Variants in PCDHA2 observed in about 807,000 individuals in gnomAD.
PCDHA2 encodes the protein protocadherin alpha-2.
In PCDHA2, 58 loss-of-function variants were observed where a neutral mutation model predicts 66.0. The ratio of observed to expected loss-of-function variants is 0.88; its 90% CI spans 0.71 to 1.09. The LOEUF (loss-of-function observed/expected upper bound fraction) is 1.09, where lower values mean the gene tolerates loss of function less well. Among genes scored for constraint, PCDHA2 ranks in the 50% least tolerant of loss-of-function variants. The pLI is 0.00. For synonymous variants in PCDHA2, 634 were observed against 554.0 expected (o/e 1.14, Z -2.03); for missense variants, 1,267 against 1,242.3 (o/e 1.02, Z -0.30).
In PCDHA2 at chr5:140,914,736, T is replaced by C. The variant is rs76155363; in HGVS notation, c.2389-64213T>C. Among the ~76,000 whole-genome samples, 1,216 of 152,300 alleles carry C rather than the reference T, an allele frequency of 8.0e-3. 6 individuals are homozygous for C. Among genetic ancestry groups the C allele is most frequent in the African/African-American group, 0.019 (785 of 41,570 alleles). On this transcript the variant is annotated intron_variant, in intron 1 of 3. Transcript: ENST00000526136. ...TTTTTTATTTTTTGTGTATCCATTG[T>C]ATGTTTTTCCATTTGAGGTTACATG...
intron 1 of PCDHA2, chr5:140,824,063 C>T (rs2150131874): frequency 1.2e-6 from 2 of 1,614,096 alleles, no homozygotes; most frequent in Non-Finnish European, 8.5e-7. Flanking sequence ...GGGGAAGCTC[C>T]ACCCAAAACA....
At chr5:140,809,269 G>A in intron 1 of PCDHA2, 2 of 1,614,106 alleles carry the variant, frequency 1.2e-6, no homozygotes, top group African/African-American at 1.3e-5. Flanking sequence ...CTGCGCTGGT[G>A]GATGTCAACG....
chr5:140,873,878 C>T (rs926010571), intron 1 of PCDHA2, among the ~76,000 whole-genome samples: 2 of 152,196 alleles, frequency 1.3e-5, no homozygotes, highest in African/African-American at 4.8e-5. Context: ...CCAGGCTGGT[C>T]TTGAACTCCT....
chr5:140,835,843 A>T, intron 1 of PCDHA2: 1 of 1,612,338 alleles, frequency 6.2e-7, no homozygotes, highest in Non-Finnish European at 8.5e-7. Context: ...GCGCAGAAGA[A>T]CGCGCTGGTG....
At chr5:140,933,073 T>C (rs1198976304) in intron 1 of PCDHA2, among the ~76,000 whole-genome samples, 1 of 152,026 alleles carries the variant, frequency 6.6e-6, no homozygotes, top group Non-Finnish European at 1.5e-5. Context: ...TAAAGTATTA[T>C]GGGAAGTAAG....
chr5:141,003,017 G>T (rs1398844749), intron 3 of PCDHA2, among the ~76,000 whole-genome samples: 1 of 152,240 alleles, frequency 6.6e-6, no homozygotes, highest in Non-Finnish European at 1.5e-5. Flanking sequence ...GGGAAAGTCA[G>T]TGTAAATCAG....
In PCDHA2 at chr5:140,851,944, C is replaced by G; in HGVS notation, c.2388+54592C>G. The G allele has an allele frequency of 1.7e-5, 16 of 969,410 alleles. 1 individual carries two copies. Among genetic ancestry groups the G allele is most frequent in the Non-Finnish European group, 2.0e-5 (16 of 802,504 alleles). The allele number at this position is 969,410 out of a possible 1,614,324, so 60.1% of individuals were successfully genotyped here. A position where few individuals can be genotyped will look rare whatever the true frequency, so the allele number is the denominator to read the frequency against. On this transcript the variant is annotated intron_variant, in intron 1 of 3. Transcript: ENST00000526136. ...ATGTTTCCTGAATTGTAGTATGTGA[C>G]TTTCAAAATGGTGGTTTTCCACACT...
At chr5:140,854,461 G>A (rs1581342351) in intron 1 of PCDHA2, 1 of 149,954 alleles carries the variant, frequency 6.7e-6, no homozygotes, top group East Asian at 1.9e-4. Context: ...AGGCATTCCA[G>A]AGGAGTAGAG....
At chr5:140,936,875 C>A (rs1052156307) in intron 1 of PCDHA2, among the ~76,000 whole-genome samples, 1 of 151,950 alleles carries the variant, frequency 6.6e-6, no homozygotes, top group South Asian at 2.1e-4. Context: ...TTTAAAAAAC[C>A]CTGCTTTGAT....
chr5:140,796,182 G>T lies in PCDHA2; in HGVS notation c.1218G>T (p.Ser406=). The T allele has an allele frequency of 1.2e-6, 2 of 1,614,164 alleles. No homozygotes were observed. Among genetic ancestry groups the T allele is most frequent in the East Asian group, 2.2e-5 (1 of 44,890 alleles). The part of the protein sequence containing the change: ...KLVSTFKNYY[S]LVLDSALDRE... ...TGTCCACCTTCAAGAATTACTACTC[G>T]TTGGTGCTGGACAGCGCCCTGGACC... The change falls in exon 1 of 4, where the codon TCG becomes TCT. Residue 406 remains serine, a synonymous_variant. Transcript: ENST00000526136.
intron 1 of PCDHA2, chr5:140,854,178 A>AAAAATT: frequency 1.9e-6 from 1 of 531,180 alleles, no homozygotes; most frequent in Non-Finnish European, 2.4e-6. Flanking sequence ...AAAAAAAAAG[A>AAAAATT]GTAGTTTAAC....
chr5:141,000,391 C>CTATA (rs2097912428), intron 3 of PCDHA2, among the ~76,000 whole-genome samples: 2 of 56,664 alleles, frequency 3.5e-5, no homozygotes, highest in Non-Finnish European at 6.1e-5. Context: ...CTCTCTCTCT[C>CTATA]TCTCTATATA....
intron 1 of PCDHA2, among the ~76,000 whole-genome samples, chr5:140,904,259 C>T (rs2070990539): frequency 6.6e-6 from 1 of 152,066 alleles, no homozygotes. Context: ...GCTTAGCTCC[C>T]ACTTATGAAT....
Position 140,928,606 on chromosome 5 carries a change from C to T in PCDHA2, c.2389-50343C>T, listed in dbSNP as rs782809256. ...TTCTGTCCCAGTGGAAATTGTGCCC[C>T]GCTCTGCCAGGACTGGACACTTGGT... On this transcript the variant is annotated intron_variant, in intron 1 of 3. Coordinates refer to ENST00000526136, the MANE Select transcript of PCDHA2 (RefSeq NM_018905.3). 7.4e-6 allele frequency: 12 copies of T among 1,614,204 alleles called. No homozygotes were observed. In the South Asian group the frequency reaches 1.2e-4, roughly 16 times the overall value.
Position 140,988,326 on chromosome 5 carries a change from G to A in PCDHA2, c.2536+5763G>A, listed in dbSNP as rs144904425. 8.4e-3 allele frequency among the ~76,000 whole-genome samples: 1,281 copies of A among 152,296 alleles called. 12 individuals carry two copies. The highest frequency in any genetic ancestry group is 0.014 in the Non-Finnish European group (960 of 68,020). ...CAGCTTGGCTTGGCTTTCTCTACCC[G>A]AGGAAAGTAAGTCCTTTTAAGATGC... On this transcript the variant is annotated intron_variant, in intron 3 of 3. Coordinates refer to ENST00000526136, the MANE Select transcript of PCDHA2 (RefSeq NM_018905.3).
At chr5:140,967,780 T>C in intron 1 of PCDHA2, 1 of 1,614,214 alleles carries the variant, frequency 6.2e-7, no homozygotes, top group Non-Finnish European at 8.5e-7. Context: ...TGCAGGCGAC[T>C]GACCGGGGTC....
At chr5:140,802,949 A>G (rs782799537) in intron 1 of PCDHA2, 3 of 1,613,910 alleles carry the variant, frequency 1.9e-6, no homozygotes, top group African/African-American at 1.3e-5. Flanking sequence ...TGCCGCGGTC[A>G]GTGGGTGCGG....
At chr5:140,987,565 T>C (rs1407426548) in intron 3 of PCDHA2, among the ~76,000 whole-genome samples, 1 of 152,344 alleles carries the variant, frequency 6.6e-6, no homozygotes, top group East Asian at 1.9e-4. Flanking sequence ...TCTCAGTTTC[T>C]TTCTCTATAA....
chr5:140,809,101 C>T (rs781864694), intron 1 of PCDHA2: 13 of 1,613,836 alleles, frequency 8.1e-6, no homozygotes, highest in Non-Finnish European at 1.1e-5. Context: ...GTGCCCTGGA[C>T]GAAACGGACG....
Sources: allele counts gnomAD v4.1 joint callset (sites outside exome capture counted in the v4.1 genomes callset), GRCh38; gene constraint gnomAD v4.1.1; transcripts MANE v1.5; gene names NCBI Gene and HGNC (gene_info 2026-07-23, HGNC 2026-07-21).